ITGB6: variants seen among roughly 807,000 people sequenced by gnomAD.
The protein encoded by ITGB6 is integrin subunit beta 6, also known as integrin beta-6.
In ITGB6, 80 loss-of-function variants were observed where a neutral mutation model predicts 84.5. That is an observed-to-expected ratio of 0.95 (90% confidence interval 0.79 to 1.14). The LOEUF (loss-of-function observed/expected upper bound fraction) is 1.14. Ranked by LOEUF, ITGB6 falls within the 50% of genes most tolerant of loss-of-function variation. The probability of loss-of-function intolerance (pLI) is 0.00; values close to 1 mark genes in which losing one functional copy is unlikely to be tolerated. For synonymous variants in ITGB6, 383 were observed against 354.9 expected (o/e 1.08, Z -0.89); for missense variants, 1,006 against 968.0 (o/e 1.04, Z -0.52).
intron 7 of ITGB6, among the ~76,000 whole-genome samples, chr2:160,166,300 A>C (rs945887734): frequency 6.6e-6 from 1 of 152,226 alleles, no homozygotes; most frequent in African/African-American, 2.4e-5. Context: ...TCAGCATTAC[A>C]TCACAAATAC....
rs777974382 is a variant in ITGB6 at position 160,138,083 on chromosome 2, G to A, written c.1224C>T (p.His408=). 4 of 1,613,002 alleles carry A rather than the reference G, an allele frequency of 2.5e-6. No individual in the cohort carries two copies. The African/African-American group carries it at 5.3e-5, about 22-fold the overall frequency. The part of the protein sequence containing the change: ...TLFQHQKKCS[H]MKVGDTASFS... ...TACTTACTGTGTCTCCCACTTTCATGTGAGAGCATTTCTTTTGGTGTTGGA... is the reference window on the plus strand; with the variant it reads ...TACTTACTGTGTCTCCCACTTTCATATGAGAGCATTTCTTTTGGTGTTGGA... Residue 408 remains histidine (H), a synonymous_variant, in exon 9 of 15, where the codon CAC becomes CAT. Transcript: ENST00000283249.
At chr2:160,106,072 C>A (rs1423089138) in intron 14 of ITGB6, among the ~76,000 whole-genome samples, 1 of 152,102 alleles carries the variant, frequency 6.6e-6, no homozygotes, top group Non-Finnish European at 1.5e-5. Flanking sequence ...AAAGTGAACC[C>A]CAGCTTTCAT....
intron 4 of ITGB6, among the ~76,000 whole-genome samples, chr2:160,189,429 G>T (rs1686045436): frequency 1.3e-5 from 2 of 151,954 alleles, no homozygotes; most frequent in Admixed American, 1.3e-4. Context: ...CTACAGAATG[G>T]GAGAAAATTT....
intron 4 of ITGB6, among the ~76,000 whole-genome samples, chr2:160,192,723 T>A (rs2105894786): frequency 6.6e-6 from 1 of 152,238 alleles, no homozygotes; most frequent in South Asian, 2.1e-4. Flanking sequence ...AAATATCTAT[T>A]TTTTGGCAAA....
chr2:160,164,926 G>A (rs1274061064), intron 7 of ITGB6, among the ~76,000 whole-genome samples: 1 of 152,090 alleles, frequency 6.6e-6, no homozygotes, highest in East Asian at 1.9e-4. Flanking sequence ...ATAATCTGAG[G>A]ACATAAGGTT....
At chr2:160,168,314 T>C (rs1325970406) in intron 7 of ITGB6, among the ~76,000 whole-genome samples, 1 of 152,184 alleles carries the variant, frequency 6.6e-6, no homozygotes, top group Non-Finnish European at 1.5e-5. Flanking sequence ...TGACATAATC[T>C]CAGAGTTTCA....
rs370819920 is a variant in ITGB6, at chr2:160,101,713, C to A, written c.*23G>T. The A allele has an allele frequency of 4.7e-6, 6 of 1,289,562 alleles. No individual in the cohort carries two copies. Among genetic ancestry groups the A allele is most frequent in the African/African-American group, 1.5e-5 (1 of 68,382 alleles). The allele number at this position is 1,289,562 out of a possible 1,614,324, so 79.9% of individuals were successfully genotyped here. A position where few individuals can be genotyped will look rare whatever the true frequency, so the allele number is the denominator to read the frequency against. ...TAACATTTCATATCAGTGAAACAGA[C>A]TTTTTTCATGCATAAAGTAGTTCTA... On this transcript the variant is annotated 3_prime_UTR_variant, in exon 15 of 15. Coordinates refer to ENST00000283249, the MANE Select transcript of ITGB6 (RefSeq NM_000888.5).
intron 11 of ITGB6, among the ~76,000 whole-genome samples, chr2:160,125,380 A>T (rs1683197492): frequency 6.6e-6 from 1 of 152,224 alleles, no homozygotes; most frequent in Non-Finnish European, 1.5e-5. Context: ...TGAAATTCAG[A>T]TTTAAGATTG....
intron 13 of ITGB6, among the ~76,000 whole-genome samples, chr2:160,109,679 T>C (rs375384601): frequency 3.9e-5 from 6 of 152,322 alleles, no homozygotes; most frequent in African/African-American, 1.4e-4. Flanking sequence ...AGACTGAAAA[T>C]GGATTTCTAC....
chr2:160,199,111 A>G lies in ITGB6; in HGVS notation c.141+68T>C, dbSNP rs575487269. ...AAAGCAAGTCACTATCAGAAATATC[A>G]CTGAGGAAATTAACATGAATTTAAC... On this transcript the variant is annotated intron_variant, in intron 2 of 14. Transcript: ENST00000283249. 2.6e-5 allele frequency: 33 copies of G among 1,277,270 alleles called. No individual in the cohort carries two copies. The African/African-American group carries it at 4.1e-4, about 16-fold the overall frequency. 79.1% of individuals were successfully genotyped at this position (1,277,270 alleles called of 1,614,324 possible).
chr2:160,142,102 T>C (rs1298993526), intron 7 of ITGB6, 31 bp from the exon 8 acceptor site: 8 of 1,382,650 alleles, frequency 5.8e-6, no homozygotes, highest in Non-Finnish European at 8.1e-6. Context: ...AGTCAATCTT[T>C]GTTTCCTCAT....
chr2:160,189,059 A>C (rs1299275473), intron 4 of ITGB6, among the ~76,000 whole-genome samples: 2 of 152,260 alleles, frequency 1.3e-5, no homozygotes, highest in East Asian at 3.9e-4. Context: ...CATATCTACA[A>C]CTATCTGATC....
intron 10 of ITGB6, among the ~76,000 whole-genome samples, chr2:160,134,620 G>A (rs937652677): frequency 2.6e-5 from 4 of 152,120 alleles, no homozygotes; most frequent in Non-Finnish European, 4.4e-5. Flanking sequence ...AATTTTAGAC[G>A]AATATCCCTG....
chr2:160,116,981 T>G (rs1226540361), intron 12 of ITGB6, among the ~76,000 whole-genome samples: 6 of 150,886 alleles, frequency 4.0e-5, no homozygotes, highest in South Asian at 2.1e-4. Flanking sequence ...AAATATATAT[T>G]CACCCAATAC....
At chr2:160,128,574 G>A (rs1026265365) in intron 10 of ITGB6, among the ~76,000 whole-genome samples, 5 of 152,154 alleles carry the variant, frequency 3.3e-5, no homozygotes, top group African/African-American at 9.7e-5. Flanking sequence ...GAACCAAGGC[G>A]GTGCCCATGG....
intron 8 of ITGB6, among the ~76,000 whole-genome samples, chr2:160,139,071 T>C (rs946697995): frequency 6.6e-6 from 1 of 152,160 alleles, no homozygotes; most frequent in African/African-American, 2.4e-5. Context: ...GAGTTAGGTC[T>C]GGGGAATACT....
In ITGB6 at chr2:160,126,472, C is replaced by A. The variant is rs1559115881; in HGVS notation, c.1790G>T (p.Cys597Phe). The A allele has an allele frequency of 1.9e-6, 3 of 1,614,062 alleles. No individual in the cohort carries two copies. Among genetic ancestry groups the A allele is most frequent in the Non-Finnish European group, 1.7e-6 (2 of 1,180,034 alleles). Residue 597 changes from cysteine to phenylalanine, a missense_variant, in exon 11 of 15, where the codon TGT becomes TTT. Physicochemically the swap from Cys to Phe is radical, Grantham distance 205. Coordinates refer to ENST00000283249, the MANE Select transcript of ITGB6 (RefSeq NM_000888.5). ...DGVLCSGRGDCVCGKCVCTNP... is the reference protein window; with the variant it reads ...DGVLCSGRGDFVCGKCVCTNP... ...TGTGCAAACACACTTGCCACAAACA[C>A]AGTCCCCGCGCCCGCTGCAGAGCAC... is the stretch of plus-strand genomic sequence containing the variant.
chr2:160,178,633 T>A (rs569801113), intron 4 of ITGB6, among the ~76,000 whole-genome samples: 2 of 151,990 alleles, frequency 1.3e-5, no homozygotes, highest in African/African-American at 4.8e-5. Context: ...ATATTGCCCA[T>A]GTTTTGATCA....
chr2:160,181,526 A>G (rs1348120536), intron 4 of ITGB6, among the ~76,000 whole-genome samples: 1 of 152,220 alleles, frequency 6.6e-6, no homozygotes, highest in Non-Finnish European at 1.5e-5. Flanking sequence ...TCCCTGGGAC[A>G]GAGCACCTGG....
Sources: allele counts gnomAD v4.1 joint callset (sites outside exome capture counted in the v4.1 genomes callset), GRCh38; gene constraint gnomAD v4.1.1; transcripts MANE v1.5; gene names NCBI Gene and HGNC (gene_info 2026-07-23, HGNC 2026-07-21).